The following CFAP58 variants were observed in gnomAD, a reference collection of about 807,000 sequenced individuals.
The protein encoded by CFAP58 is cilia and flagella associated protein 58, also known as cilia- and flagella-associated protein 58.
Under a neutral mutation model 119.5 loss-of-function variants are expected in CFAP58, and 88 were observed. The observed-to-expected ratio is 0.74, with a 90% CI of 0.62 to 0.88. The LOEUF (loss-of-function observed/expected upper bound fraction) is 0.88. Among genes scored for constraint, CFAP58 ranks in the 40% least tolerant of loss-of-function variants. CFAP58 has a pLI of 0.00. For synonymous variants in CFAP58, 365 were observed against 366.3 expected, an observed-to-expected ratio of 1.00 and a Z score of 0.04; for missense variants, 990 against 1,021.2, an observed-to-expected ratio of 0.97 and a Z score of 0.42.
At chr10:104,353,770 A>T, upstream of CFAP58, 1 of 1,148,300 alleles carries the variant, frequency 8.7e-7, no homozygotes, top group Non-Finnish European at 1.2e-6. Flanking sequence ...CGACGCGCCG[A>T]GCGCGGGTTT....
chr10:104,413,241 C>G (rs1189936267), intron 15 of CFAP58, among the ~76,000 whole-genome samples: 1 of 152,174 alleles, frequency 6.6e-6, no homozygotes, highest in Non-Finnish European at 1.5e-5. Context: ...TGACTTCTGA[C>G]TTTTCAGGAG....
Position 104,363,241 on chromosome 10 carries a change from C to T in CFAP58, c.440+1070C>T, listed in dbSNP as rs1271660864. ...CTCTACCCATTAGGCTGTGAACTCC[C>T]TGAAGGAAGGCACCTTTATATCCCC... On this transcript the variant is annotated intron_variant, in intron 3 of 17. Transcript: ENST00000369704. 3.3e-5 allele frequency among the ~76,000 whole-genome samples: 5 copies of T among 152,184 alleles called. No individual in the cohort carries two copies. The East Asian group carries it at 5.8e-4, about 18-fold the overall frequency.
At chr10:104,444,192 A>C (rs1210520037) in intron 15 of CFAP58, among the ~76,000 whole-genome samples, 1 of 152,256 alleles carries the variant, frequency 6.6e-6, no homozygotes, top group Admixed American at 6.5e-5. Flanking sequence ...AATAAAAGAA[A>C]TGCCAAACTG....
At position 104,450,096 on chromosome 10, in the gene CFAP58, A is replaced by G. The variant is rs750821112; in HGVS notation, c.2402A>G (p.Tyr801Cys). 3.1e-6 allele frequency: 5 copies of G among 1,608,576 alleles called. No homozygotes were observed. In the African/African-American group the frequency reaches 4.0e-5, roughly 13 times the overall value. Residue 801 changes from tyrosine (Y) to cysteine (C), a missense_variant, in exon 17 of 18, where the codon TAT becomes TGT. Physicochemically the swap from Tyr to Cys is radical, Grantham distance 194. Transcript: ENST00000369704. Reference protein sequence around the residue: ...LKVLSSELNMYEVQSKEYKYE... With the variant: ...LKVLSSELNMCEVQSKEYKYE... ...GTTTTGTCTTCAGAATTGAATATGT[A>G]TGAAGTACAGAGCAAAGAATATAAA...
chr10:104,364,061 G>T (rs2014707194), intron 3 of CFAP58, among the ~76,000 whole-genome samples: 1 of 152,204 alleles, frequency 6.6e-6, no homozygotes, highest in African/African-American at 2.4e-5. Flanking sequence ...TGGGCATCAT[G>T]AATGATTTTC....
chr10:104,438,871 T>C (rs547483797), intron 15 of CFAP58, among the ~76,000 whole-genome samples: 14 of 152,286 alleles, frequency 9.2e-5, no homozygotes, highest in Admixed American at 9.2e-4. Context: ...AAATACCCAC[T>C]GACAGGTGAA....
At chr10:104,344,433 G>A in the CFAP58 span, among the ~76,000 whole-genome samples, 3 of 152,226 alleles carry the variant, frequency 2.0e-5, no homozygotes, top group Admixed American at 2.0e-4. Context: ...AATTATATTG[G>A]CTCAGCCATG....
chr10:104,427,215 G>T (rs1481243996), intron 15 of CFAP58, among the ~76,000 whole-genome samples: 2 of 152,184 alleles, frequency 1.3e-5, no homozygotes, highest in African/African-American at 4.8e-5. Context: ...GTTATTAATA[G>T]AATTTGAAGT....
Position 104,380,062 on chromosome 10 carries a change from C to A in CFAP58, c.1207C>A (p.Gln403Lys). Residue 403 changes from glutamine (Q) to lysine (K), a missense_variant, in exon 9 of 18, where the codon CAG (glutamine) becomes AAG (lysine). By Grantham distance (53) the Gln-to-Lys change is moderately conservative. Transcript: ENST00000369704. Reference protein sequence around the residue: ...MLKAVNATQKQTDLVKLHEQA... With the variant: ...MLKAVNATQKKTDLVKLHEQA... ...TAAGGCGGTCAATGCGACCCAGAAG[C>A]AGACAGACTTGGTAAAGCTCCATGA... is the stretch of plus-strand genomic sequence containing the variant. 6.2e-7 allele frequency: 1 copy of A among 1,614,036 alleles called. No individual in the cohort carries two copies. Among genetic ancestry groups the A allele is most frequent in the East Asian group, 2.2e-5 (1 of 44,880 alleles).
intron 6 of CFAP58, among the ~76,000 whole-genome samples, chr10:104,370,412 A>G (rs923795476): frequency 3.9e-5 from 6 of 152,228 alleles, no homozygotes; most frequent in Non-Finnish European, 7.3e-5. Context: ...GCAAGGAGGA[A>G]CAAATCACAT....
chr10:104,357,998 CACATATATACACAT>C (rs1183176235), intron 1 of CFAP58, among the ~76,000 whole-genome samples: 4 of 132,514 alleles, frequency 3.0e-5, no homozygotes, highest in Admixed American at 2.2e-4. Context: ...CATATATGTA[CACATATATACACAT>C]ATATGTACAT....
intron 3 of CFAP58, 59 bp from the exon 4 acceptor site, chr10:104,364,674 T>C (rs2014718196): frequency 2.0e-6 from 3 of 1,515,456 alleles, no homozygotes; most frequent in East Asian, 2.3e-5. Flanking sequence ...CAGAGAATGA[T>C]ATGAAGGACC....
chr10:104,406,718 A>G lies in CFAP58; in HGVS notation c.2181A>G (p.Ile727Met). 1 of 1,614,202 alleles carries G rather than the reference A, an allele frequency of 6.2e-7. No individual in the cohort carries two copies. The highest frequency in any genetic ancestry group is 8.5e-7 in the Non-Finnish European group (1 of 1,180,040). Residue 727 changes from isoleucine (I) to methionine (M), a missense_variant, in exon 15 of 18, where the codon ATA (isoleucine) becomes ATG (methionine). Coordinates refer to ENST00000369704, the MANE Select transcript of CFAP58 (RefSeq NM_001008723.2). ...EASDPNAYELIQKIHTLQKRL... is the reference protein window; with the variant it reads ...EASDPNAYELMQKIHTLQKRL... ...GCGACCCCAATGCATATGAGCTGAT[A>G]CAGAAAATTCACACCCTGCAGAAGC...
chr10:104,367,788 A>G (rs1004378266), intron 5 of CFAP58, among the ~76,000 whole-genome samples: 1 of 152,198 alleles, frequency 6.6e-6, no homozygotes, highest in Non-Finnish European at 1.5e-5. Context: ...CCCAATAGAA[A>G]TGAGCCCCCA....
Position 104,353,920 on chromosome 10 carries a change from G to T in CFAP58, c.9+14G>T. ...AGGATGGCTGAGGTCAGGAGTCAGC[G>T]CCCCTCTGTCGCCTTTCCCTTGACC... On this transcript the variant is annotated intron_variant, in intron 1 of 17. Transcript: ENST00000369704. The T allele has an allele frequency of 6.2e-7, 1 of 1,613,120 alleles. No individual in the cohort carries two copies. Among genetic ancestry groups the T allele is most frequent in the South Asian group, 1.1e-5 (1 of 91,040 alleles).
rs759400382 is a variant in CFAP58, at chr10:104,438,348, GT to G, written c.2257-9338del. Reference sequence around the variant, plus strand: ...ATTGTTTTTTTGTTTTTTGTTTTTTGTTTTTTTTTTTTGTTTTTTTTTTTTG... The same window carrying G: ...ATTGTTTTTTTGTTTTTTGTTTTTTGTTTTTTTTTTTGTTTTTTTTTTTTG... On this transcript the variant is annotated intron_variant, in intron 15 of 17. Coordinates refer to ENST00000369704, the MANE Select transcript of CFAP58 (RefSeq NM_001008723.2). Among the ~76,000 whole-genome samples the G allele has an allele frequency of 9.8e-4, 36 of 36,736 alleles. No homozygotes were observed. The Middle Eastern group carries it at 0.17, about 170-fold the overall frequency. The allele number at this position is 36,736 out of a possible 152,430, so 24.1% of individuals were successfully genotyped here. A position where few individuals can be genotyped will look rare whatever the true frequency, so the allele number is the denominator to read the frequency against.
the CFAP58 span, among the ~76,000 whole-genome samples, chr10:104,342,539 A>G: frequency 6.6e-6 from 1 of 152,220 alleles, no homozygotes; most frequent in Non-Finnish European, 1.5e-5. Context: ...CCATAGTGAA[A>G]GGTGACTTGT....
chr10:104,396,894 AT>A (rs1256375347), intron 11 of CFAP58, among the ~76,000 whole-genome samples: 1 of 152,120 alleles, frequency 6.6e-6, no homozygotes, highest in Non-Finnish European at 1.5e-5. Context: ...TGATGTTAAC[AT>A]TTTCTGCCAA....
At chr10:104,349,573 A>G (rs2014436445), upstream of CFAP58, among the ~76,000 whole-genome samples, 1 of 152,208 alleles carries the variant, frequency 6.6e-6, no homozygotes, top group South Asian at 2.1e-4. Context: ...GCATCTGGAC[A>G]TTAACTTATG....
Sources: gnomAD v4.1 joint callset for allele counts (sites outside exome capture counted in the v4.1 genomes callset) on GRCh38, gnomAD v4.1.1 for gene constraint, MANE v1.5 for transcripts, NCBI Gene and HGNC (gene_info 2026-07-23, HGNC 2026-07-21) for gene names.